PRIM2: variants seen among roughly 807,000 people sequenced by gnomAD.
PRIM2 encodes the protein DNA primase subunit 2.
Under a neutral mutation model 67.3 loss-of-function variants are expected in PRIM2, and 39 were observed. The ratio of observed to expected loss-of-function variants is 0.58; its 90% CI spans 0.45 to 0.76. The LOEUF (loss-of-function observed/expected upper bound fraction) is 0.76. Among genes scored for constraint, PRIM2 ranks in the 30% least tolerant of loss-of-function variants. The probability of loss-of-function intolerance (pLI) is 0.00; values close to 1 mark genes in which losing one functional copy is unlikely to be tolerated. For synonymous variants in PRIM2, 143 were observed against 198.7 expected, an observed-to-expected ratio of 0.72 and a Z score of 2.36; for missense variants, 398 against 598.7, an observed-to-expected ratio of 0.66 and a Z score of 3.50.
chr6:57,556,528 A>G (rs1775516805), intron 10 of PRIM2, among the ~76,000 whole-genome samples: 5 of 152,240 alleles, frequency 3.3e-5, no homozygotes, highest in Non-Finnish European at 7.3e-5. Flanking sequence ...GACAAAAGCA[A>G]TGGGGAAAAG....
upstream of PRIM2, among the ~76,000 whole-genome samples, chr6:57,315,168 G>A (rs1318787661): frequency 2.6e-5 from 4 of 152,242 alleles, no homozygotes; most frequent in Non-Finnish European, 5.9e-5. Flanking sequence ...AGTACTTTGG[G>A]GATCACAGAG....
chr6:57,625,706 A>G (rs1776938693), intron 12 of PRIM2, among the ~76,000 whole-genome samples: 1 of 152,236 alleles, frequency 6.6e-6, no homozygotes, highest in Non-Finnish European at 1.5e-5. Flanking sequence ...GATTTTAATG[A>G]CATTTGGAAG....
At chr6:57,514,493 G>C (rs1774439438) in intron 8 of PRIM2, among the ~76,000 whole-genome samples, 1 of 152,078 alleles carries the variant, frequency 6.6e-6, no homozygotes, top group South Asian at 2.1e-4. Flanking sequence ...CTCATCACCT[G>C]TTTCCAGTCT....
At chr6:57,486,273 C>T (rs1773751184) in intron 7 of PRIM2, among the ~76,000 whole-genome samples, 1 of 152,180 alleles carries the variant, frequency 6.6e-6, no homozygotes, top group African/African-American at 2.4e-5. Flanking sequence ...CCCATTTATG[C>T]ATAGTGTTCC....
chr6:57,462,832 T>C (rs1331617905), intron 7 of PRIM2, among the ~76,000 whole-genome samples: 1 of 152,198 alleles, frequency 6.6e-6, no homozygotes, highest in Non-Finnish European at 1.5e-5. Flanking sequence ...CTCTTGAAAG[T>C]AGAGTCTTTA....
At chr6:57,284,926 A>G in the PRIM2 span, among the ~76,000 whole-genome samples, 1 of 152,208 alleles carries the variant, frequency 6.6e-6, no homozygotes, top group Admixed American at 6.5e-5. Flanking sequence ...TACAATAAAA[A>G]ATGATAAAGG....
At chr6:57,235,242 C>T in the PRIM2 span, among the ~76,000 whole-genome samples, 1 of 152,140 alleles carries the variant, frequency 6.6e-6, no homozygotes, top group African/African-American at 2.4e-5. Flanking sequence ...GCAAGCAGAT[C>T]ACGTGAGATC....
upstream of PRIM2, among the ~76,000 whole-genome samples, chr6:57,309,922 C>G (rs533817404): frequency 4.6e-5 from 7 of 152,234 alleles, no homozygotes; most frequent in Admixed American, 2.6e-4. Context: ...GCAATGGCAA[C>G]AAAAGACAAA....
chr6:57,514,106 T>G (rs1156915948), intron 8 of PRIM2, among the ~76,000 whole-genome samples: 1 of 152,340 alleles, frequency 6.6e-6, no homozygotes, highest in Non-Finnish European at 1.5e-5. Flanking sequence ...TTTAAAGTAA[T>G]AAAGGCATCT....
the PRIM2 span, among the ~76,000 whole-genome samples, chr6:57,275,488 C>CA: frequency 2.6e-5 from 4 of 151,874 alleles, no homozygotes; most frequent in Admixed American, 2.0e-4. Context: ...GACTCTGTTT[C>CA]AAAAAAACAA....
the PRIM2 span, among the ~76,000 whole-genome samples, chr6:57,293,697 GA>G: frequency 1.1e-4 from 17 of 152,292 alleles, no homozygotes; most frequent in African/African-American, 3.9e-4. Context: ...CGACATGGGT[GA>G]AGCTGGAAAC....
chr6:57,408,121 G>A (rs1458926053), intron 7 of PRIM2, among the ~76,000 whole-genome samples: 4 of 152,312 alleles, frequency 2.6e-5, no homozygotes, highest in South Asian at 4.1e-4. Context: ...GAGCATAAAT[G>A]TGCCAATCAT....
At chr6:57,336,408 C>T (rs1768249163) in intron 5 of PRIM2, among the ~76,000 whole-genome samples, 1 of 152,122 alleles carries the variant, frequency 6.6e-6, no homozygotes, top group African/African-American at 2.4e-5. Flanking sequence ...ACATAGTTGT[C>T]AGATTCACCA....
At chr6:57,331,112 C>T (rs945537950) in intron 5 of PRIM2, among the ~76,000 whole-genome samples, 6 of 150,970 alleles carry the variant, frequency 4.0e-5, no homozygotes, top group East Asian at 2.0e-4. Context: ...TGTTTGAACC[C>T]GGGAGGTGGA....
chr6:57,459,555 C>T (rs1772927320), intron 7 of PRIM2, among the ~76,000 whole-genome samples: 1 of 152,160 alleles, frequency 6.6e-6, no homozygotes, highest in African/African-American at 2.4e-5. Flanking sequence ...CACACTACAA[C>T]ATACCTGGCT....
chr6:57,558,943 C>T (rs1775574137), intron 10 of PRIM2, among the ~76,000 whole-genome samples: 1 of 151,822 alleles, frequency 6.6e-6, no homozygotes, highest in Admixed American at 6.6e-5. Flanking sequence ...GCCTAGGCAA[C>T]ACAGCAAGAC....
At chr6:57,422,069 G>A (rs971024982) in intron 7 of PRIM2, among the ~76,000 whole-genome samples, 2 of 150,788 alleles carry the variant, frequency 1.3e-5, no homozygotes, top group Non-Finnish European at 3.0e-5. Flanking sequence ...TTCATCAAAC[G>A]TACAGTTTAA....
At chr6:57,468,532 A>C (rs1490308049) in intron 7 of PRIM2, among the ~76,000 whole-genome samples, 8 of 152,286 alleles carry the variant, frequency 5.3e-5, no homozygotes, top group Admixed American at 2.6e-4. Flanking sequence ...TCGGTTTGCC[A>C]GTATTTTATT....
chr6:57,264,204 G>T, the PRIM2 span, among the ~76,000 whole-genome samples: 1 of 151,994 alleles, frequency 6.6e-6, no homozygotes, highest in Non-Finnish European at 1.5e-5. Context: ...GCATCCTAAT[G>T]ATGTCCTTAG....
Sources: allele counts gnomAD v4.1 joint callset (sites outside exome capture counted in the v4.1 genomes callset), GRCh38; gene constraint gnomAD v4.1.1; transcripts MANE v1.5; gene names NCBI Gene and HGNC (gene_info 2026-07-23, HGNC 2026-07-21).